AHCTF1: variants seen among roughly 807,000 people sequenced by gnomAD.
AHCTF1 encodes the protein protein ELYS.
A neutral mutation model predicts 248.4 loss-of-function variants in AHCTF1; 24 were observed. The observed-to-expected ratio is 0.10, with a 90% CI of 0.07 to 0.14. The LOEUF is 0.14. Among genes scored for constraint, AHCTF1 ranks in the 10% least tolerant of loss-of-function variants. The pLI is 1.00. For synonymous variants in AHCTF1, 786 were observed against 929.8 expected, an observed-to-expected ratio of 0.85 and a Z score of 2.81; for missense variants, 2,206 against 2,636.2, an observed-to-expected ratio of 0.84 and a Z score of 3.57.
chr1:246,894,751 T>C lies in AHCTF1; in HGVS notation c.1715-3A>G. 1 of 1,610,816 alleles carries C rather than the reference T, an allele frequency of 6.2e-7. No individual in the cohort carries two copies. The highest frequency in any genetic ancestry group is 8.5e-7 in the Non-Finnish European group (1 of 1,177,084). ...ATTAGTGGCAGAATTTGGTTGTTCTTATTTGTAAATACAAAAGGGAAAAAA... is the reference window on the plus strand; with the variant it reads ...ATTAGTGGCAGAATTTGGTTGTTCTCATTTGTAAATACAAAAGGGAAAAAA... On this transcript the variant is annotated splice_region_variant and splice_polypyrimidine_tract_variant and intron_variant, in intron 13 of 35. Transcript: ENST00000648844.
At chr1:246,900,925 A>G (rs1401555628) in intron 8 of AHCTF1, among the ~76,000 whole-genome samples, 1 of 152,224 alleles carries the variant, frequency 6.6e-6, no homozygotes, top group Admixed American at 6.5e-5. Flanking sequence ...AGAGAAAAAG[A>G]AAAGTGCTTG....
intron 29 of AHCTF1, among the ~76,000 whole-genome samples, chr1:246,859,940 A>G (rs1661405422): frequency 6.6e-6 from 1 of 152,184 alleles, no homozygotes; most frequent in Non-Finnish European, 1.5e-5. Flanking sequence ...GAATTATAGA[A>G]ACTTAAAACT....
chr1:246,868,252 C>T (rs1201467341), intron 24 of AHCTF1, among the ~76,000 whole-genome samples: 1 of 151,998 alleles, frequency 6.6e-6, no homozygotes, highest in African/African-American at 2.4e-5. Context: ...CCTTAGCCTC[C>T]CGAGTAGCTG....
intron 21 of AHCTF1, among the ~76,000 whole-genome samples, chr1:246,882,872 A>T (rs982272927): frequency 6.6e-6 from 1 of 152,258 alleles, no homozygotes; most frequent in Non-Finnish European, 1.5e-5. Context: ...AGTTTTAGAG[A>T]AATGCAAAGA....
chr1:246,876,162 T>A lies in AHCTF1; in HGVS notation c.2963A>T (p.Glu988Val), dbSNP rs746737038. ...TATAGAATTTCGAGCCAGTGATCTC[T>A]CCCGCAAACGAGGATCACGATCATT... is the stretch of plus-strand genomic sequence containing the variant. ...VMNDRDPRLR[E>V]RSLARNSILD... The change falls in exon 24 of 36, where the codon GAG becomes GTG. Residue 988 changes from glutamate (E) to valine (V), a missense_variant. Physicochemically the swap from Glu to Val is moderately radical, Grantham distance 121 (BLOSUM62 -2). Around this residue, in one of 6 missense-constraint regions of AHCTF1, gnomAD observed 955 missense variants for 1,055.6 expected, o/e 0.90. Coordinates refer to ENST00000648844, the MANE Select transcript of AHCTF1 (RefSeq NM_001323342.2). 1.9e-6 allele frequency: 3 copies of A among 1,601,224 alleles called. No individual in the cohort carries two copies. The highest frequency in any genetic ancestry group is 2.6e-6 in the Non-Finnish European group (3 of 1,173,808).
intron 11 of AHCTF1, among the ~76,000 whole-genome samples, chr1:246,898,886 G>C (rs889302973): frequency 7.9e-5 from 12 of 152,142 alleles, no homozygotes; most frequent in African/African-American, 2.9e-4. Flanking sequence ...TCAGGAGTTC[G>C]AGACCAGCCT....
intron 1 of AHCTF1, among the ~76,000 whole-genome samples, chr1:246,923,605 A>G (rs1481149061): frequency 6.6e-6 from 1 of 152,206 alleles, no homozygotes; most frequent in Non-Finnish European, 1.5e-5. Context: ...TGGACTCTTC[A>G]ATCAACATTT....
intron 21 of AHCTF1, 59 bp from the exon 22 acceptor site, chr1:246,877,361 A>C: frequency 6.8e-7 from 1 of 1,473,434 alleles, no homozygotes; most frequent in South Asian, 1.4e-5. Context: ...TGTACAAAAC[A>C]AGAAATCTAC....
At chr1:246,878,643 G>A (rs1663168503) in intron 21 of AHCTF1, among the ~76,000 whole-genome samples, 1 of 152,108 alleles carries the variant, frequency 6.6e-6, no homozygotes, top group African/African-American at 2.4e-5. Context: ...TAAAATTTTT[G>A]GAGGCTGACA....
At chr1:246,929,413 A>AAATAAC (rs1169332014) in intron 1 of AHCTF1, among the ~76,000 whole-genome samples, 1 of 151,702 alleles carries the variant, frequency 6.6e-6, no homozygotes, top group Admixed American at 6.6e-5. Flanking sequence ...CGTCTCAAAA[A>AAATAAC]AATAAAAATA....
chr1:246,920,016 G>A (rs1002986285), intron 1 of AHCTF1, among the ~76,000 whole-genome samples: 5 of 151,046 alleles, frequency 3.3e-5, no homozygotes, highest in East Asian at 3.9e-4. Context: ...GGAGGCATAC[G>A]CTTGTAATTC....
intron 33 of AHCTF1, among the ~76,000 whole-genome samples, chr1:246,849,245 G>A (rs770366664): frequency 2.6e-5 from 4 of 152,128 alleles, no homozygotes; most frequent in Non-Finnish European, 4.4e-5. Flanking sequence ...AAACAATTTC[G>A]GGTTGTGGAT....
intron 24 of AHCTF1, 50 bp downstream of exon 24, chr1:246,875,987 G>T: frequency 1.4e-6 from 2 of 1,480,778 alleles, no homozygotes; most frequent in East Asian, 4.7e-5. Context: ...TAATCATTCA[G>T]TATCTTTTTT....
intron 24 of AHCTF1, among the ~76,000 whole-genome samples, chr1:246,875,179 T>C (rs1334567058): frequency 1.3e-5 from 2 of 152,012 alleles, no homozygotes; most frequent in African/African-American, 4.8e-5. Flanking sequence ...CTGGGACCAC[T>C]CCCTTACATA....
intron 1 of AHCTF1, among the ~76,000 whole-genome samples, chr1:246,927,545 AAC>A (rs1168408599): frequency 6.6e-6 from 1 of 152,228 alleles, no homozygotes; most frequent in Non-Finnish European, 1.5e-5. Context: ...TGAAAACACA[AAC>A]ACACATGAAA....
chr1:246,866,829 G>A (rs1381498045), intron 26 of AHCTF1, among the ~76,000 whole-genome samples: 1 of 152,140 alleles, frequency 6.6e-6, no homozygotes, highest in Non-Finnish European at 1.5e-5. Flanking sequence ...CCACAGGTAA[G>A]ATGTAAACGT....
chr1:246,897,475 T>C (rs1664666461), intron 12 of AHCTF1, among the ~76,000 whole-genome samples: 2 of 152,232 alleles, frequency 1.3e-5, no homozygotes, highest in Admixed American at 1.3e-4. Context: ...TACATTCCGA[T>C]GAATGTTTCG....
intron 35 of AHCTF1, among the ~76,000 whole-genome samples, chr1:246,841,789 TTTTTA>T (rs1180204192): frequency 6.6e-6 from 1 of 151,994 alleles, no homozygotes; most frequent in Non-Finnish European, 1.5e-5. Context: ...TATTATTTTA[TTTTTA>T]TTTATCTATT....
intron 24 of AHCTF1, among the ~76,000 whole-genome samples, chr1:246,868,916 C>A (rs368654840): frequency 6.8e-6 from 1 of 146,882 alleles, no homozygotes; most frequent in Non-Finnish European, 1.5e-5. Context: ...GTGATCTCGG[C>A]TCACTGCAAG....
Sources: allele counts gnomAD v4.1 joint callset (sites outside exome capture counted in the v4.1 genomes callset), GRCh38; gene constraint gnomAD v4.1.1; regional missense constraint gnomAD v4.1.1; transcripts MANE v1.5; gene names NCBI Gene and HGNC (gene_info 2026-07-23, HGNC 2026-07-21).